Variants in AGFG1 observed in about 807,000 individuals in gnomAD.
AGFG1 encodes the protein arf-GAP domain and FG repeat-containing protein 1.
Under a neutral mutation model 60.6 loss-of-function variants are expected in AGFG1, and 10 were observed. The observed-to-expected ratio is 0.16, with a 90% CI of 0.10 to 0.28. The LOEUF is 0.28. Ranked by LOEUF, AGFG1 falls within the 10% of genes least tolerant of loss-of-function variation. The probability of loss-of-function intolerance (pLI) is 1.00; values close to 1 mark genes in which losing one functional copy is unlikely to be tolerated. For missense variants in AGFG1, 537 were observed against 676.5 expected (o/e 0.79, Z 2.29); for synonymous variants, 247 against 242.9 (o/e 1.02, Z -0.16).
At chr2:227,542,615 A>T (rs1373900842) in intron 10 of AGFG1, among the ~76,000 whole-genome samples, 1 of 152,170 alleles carries the variant, frequency 6.6e-6, no homozygotes, top group African/African-American at 2.4e-5. Flanking sequence ...TTGGTCTAAA[A>T]TTCTCTTTTT....
intron 2 of AGFG1, among the ~76,000 whole-genome samples, chr2:227,502,487 A>AT (rs1416378900): frequency 1.3e-5 from 2 of 151,818 alleles, no homozygotes; most frequent in African/African-American, 4.8e-5. Flanking sequence ...GTCCCAGCTA[A>AT]TTTTTTGTAA....
chr2:227,533,803 T>C, intron 7 of AGFG1, 45 bp downstream of exon 7: 2 of 1,527,172 alleles, frequency 1.3e-6, no homozygotes, highest in African/African-American at 1.4e-5. Flanking sequence ...TGTTAAACAG[T>C]GCTCTTAATT....
chr2:227,523,797 T>A lies in AGFG1; in HGVS notation c.412T>A (p.Ser138Thr), dbSNP rs1254052642. ...GCCAGAACAAGCCAAAGTCGTGGCATCAGTTCATGCATCTATTTCAGGGTC... is the reference window on the plus strand; with the variant it reads ...GCCAGAACAAGCCAAAGTCGTGGCAACAGTTCATGCATCTATTTCAGGGTC... ...VPPEQAKVVA[S>T]VHASISGSSA... is the part of the protein sequence containing the mutation. Residue 138 changes from serine (S) to threonine (T), a missense_variant, in exon 4 of 13, where the codon TCA becomes ACA. Transcript: ENST00000310078. 3 of 1,613,610 alleles carry A rather than the reference T, an allele frequency of 1.9e-6. No homozygotes were observed. Among genetic ancestry groups the A allele is most frequent in the Non-Finnish European group, 2.5e-6 (3 of 1,179,722 alleles).
chr2:227,481,273 C>T (rs1474849605), intron 1 of AGFG1, among the ~76,000 whole-genome samples: 2 of 151,988 alleles, frequency 1.3e-5, no homozygotes, highest in African/African-American at 2.4e-5. Context: ...CTTAGATAAT[C>T]CTCCAGCTTT....
chr2:227,533,808 T>C, intron 7 of AGFG1, 50 bp downstream of exon 7: 1 of 1,507,308 alleles, frequency 6.6e-7, no homozygotes, highest in East Asian at 2.3e-5. Flanking sequence ...AACAGTGCTC[T>C]TAATTTGGTT....
chr2:227,483,895 C>A (rs1366681031), intron 1 of AGFG1, among the ~76,000 whole-genome samples: 1 of 151,646 alleles, frequency 6.6e-6, no homozygotes, highest in African/African-American at 2.4e-5. Context: ...TTTGATTTTT[C>A]CCTTTTACTT....
intron 2 of AGFG1, among the ~76,000 whole-genome samples, chr2:227,508,990 CA>C (rs1473265495): frequency 6.6e-6 from 1 of 151,958 alleles, no homozygotes; most frequent in Non-Finnish European, 1.5e-5. Flanking sequence ...CATGATACAC[CA>C]AAATTTCAGA....
chr2:227,480,128 CTA>C (rs1411916864), intron 1 of AGFG1, among the ~76,000 whole-genome samples: 2 of 152,296 alleles, frequency 1.3e-5, no homozygotes, highest in African/African-American at 4.8e-5. Context: ...AAGTTTGAAA[CTA>C]TGTATTAGAG....
At chr2:227,527,546 T>C (rs571071019) in intron 5 of AGFG1, among the ~76,000 whole-genome samples, 1 of 152,366 alleles carries the variant, frequency 6.6e-6, no homozygotes, top group South Asian at 2.1e-4. Flanking sequence ...GTTGCTTCTT[T>C]ATGCTTAAAC....
intron 2 of AGFG1, among the ~76,000 whole-genome samples, chr2:227,506,117 C>T (rs148692228): frequency 6.6e-6 from 1 of 152,322 alleles, no homozygotes; most frequent in East Asian, 1.9e-4. Context: ...TTTATCATTG[C>T]AGAATCTGTC....
intron 5 of AGFG1, among the ~76,000 whole-genome samples, chr2:227,525,782 T>C (rs1691973578): frequency 6.6e-6 from 1 of 152,214 alleles, no homozygotes; most frequent in Non-Finnish European, 1.5e-5. Flanking sequence ...ATTAGGAGGA[T>C]GGGTGGCTGG....
intron 1 of AGFG1, among the ~76,000 whole-genome samples, chr2:227,481,966 C>T (rs553608960): frequency 2.7e-5 from 4 of 150,734 alleles, no homozygotes; most frequent in African/African-American, 4.9e-5. Flanking sequence ...CCCGGGTTCA[C>T]GCCATTTTCC....
rs752845270 is a variant in AGFG1, at chr2:227,533,705, C to T, written c.971C>T (p.Ala324Val). The T allele has an allele frequency of 2.5e-6, 4 of 1,613,822 alleles. No homozygotes were observed. In the Admixed American group the frequency reaches 6.7e-5, roughly 27 times the overall value. Residue 324 changes from alanine (A) to valine (V), a missense_variant, in exon 7 of 13, where the codon GCA becomes GTA. This residue lies in a region of AGFG1 where 287 missense variants were observed against 343.6 expected (regional missense o/e 0.84). Coordinates refer to ENST00000310078, the MANE Select transcript of AGFG1 (RefSeq NM_004504.5). ...VSTNKAGLQT[A>V]DKYAALANLD... ...ACGAACAAAGCTGGTTTACAGACTG[C>T]AGACAAATATGCAGCACTTGCTAAT...
chr2:227,506,461 G>A (rs1213262725), intron 2 of AGFG1, among the ~76,000 whole-genome samples: 1 of 150,210 alleles, frequency 6.7e-6, no homozygotes, highest in African/African-American at 2.5e-5. Flanking sequence ...TATGGCTGTG[G>A]TGAACCTCTT....
At position 227,523,900 on chromosome 2, in the gene AGFG1, A is replaced by G; in HGVS notation, c.515A>G (p.His172Arg). The G allele has an allele frequency of 1.2e-6, 2 of 1,613,784 alleles. No individual in the cohort carries two copies. Among genetic ancestry groups the G allele is most frequent in the Non-Finnish European group, 1.7e-6 (2 of 1,179,868 alleles). Residue 172 changes from histidine to arginine, a missense_variant, in exon 4 of 13, where the codon CAC becomes CGC. Transcript: ENST00000310078. ...TTAGGGGATTCTGCACCAACACTGC[A>G]CTTAAATAAGGGCACACCTAGTCAG... ...SLLGDSAPTLHLNKGTPSQSP... is the reference protein window; with the variant it reads ...SLLGDSAPTLRLNKGTPSQSP...
intron 2 of AGFG1, among the ~76,000 whole-genome samples, chr2:227,497,744 T>G (rs886856806): frequency 4.9e-5 from 6 of 121,598 alleles, no homozygotes; most frequent in South Asian, 2.7e-4. Flanking sequence ...TGTTTTTTTT[T>G]TTTTTTTTTT....
At chr2:227,541,674 T>C (rs1692495766) in intron 10 of AGFG1, among the ~76,000 whole-genome samples, 1 of 152,216 alleles carries the variant, frequency 6.6e-6, no homozygotes, top group Non-Finnish European at 1.5e-5. Context: ...GTCTTGGCAA[T>C]GCAGGCTCTT....
chr2:227,509,000 G>A (rs1260883797), intron 2 of AGFG1, among the ~76,000 whole-genome samples: 1 of 152,048 alleles, frequency 6.6e-6, no homozygotes, highest in Non-Finnish European at 1.5e-5. Context: ...CAAAATTTCA[G>A]AAAAATTTTA....
At chr2:227,516,396 A>G (rs963002702) in intron 2 of AGFG1, among the ~76,000 whole-genome samples, 1 of 152,190 alleles carries the variant, frequency 6.6e-6, no homozygotes, top group Non-Finnish European at 1.5e-5. Context: ...GAGTGTTAAG[A>G]TTGGTTAGGA....
Sources: gnomAD v4.1 joint callset for allele counts (sites outside exome capture counted in the v4.1 genomes callset) on GRCh38, gnomAD v4.1.1 for gene constraint, gnomAD v4.1.1 regional missense constraint, MANE v1.5 for transcripts, NCBI Gene and HGNC (gene_info 2026-07-23, HGNC 2026-07-21) for gene names.